Variants in CCSER1 observed in about 807,000 individuals in gnomAD.
The protein encoded by CCSER1 is coiled-coil serine rich protein 1, also known as serine-rich coiled-coil domain-containing protein 1.
Under a neutral mutation model 82.0 loss-of-function variants are expected in CCSER1, and 41 were observed. The observed-to-expected ratio is 0.50, with a 90% CI of 0.39 to 0.65. The LOEUF is 0.65. CCSER1 is among the 30% of genes least tolerant of loss of function. CCSER1 has a pLI of 0.00. For missense variants in CCSER1, 1,119 were observed against 1,064.2 expected, an observed-to-expected ratio of 1.05 and a Z score of -0.72; for synonymous variants, 414 against 383.9, an observed-to-expected ratio of 1.08 and a Z score of -0.92.
chr4:91,336,035 G>A (rs1483637509), intron 10 of CCSER1, among the ~76,000 whole-genome samples: 2 of 152,084 alleles, frequency 1.3e-5, no homozygotes, highest in African/African-American at 2.4e-5. Flanking sequence ...ATTCAGCAAA[G>A]CCTTACTTTT....
intron 3 of CCSER1, among the ~76,000 whole-genome samples, chr4:90,398,476 G>C (rs1001673826): frequency 3.9e-5 from 6 of 152,062 alleles, no homozygotes; most frequent in Non-Finnish European, 8.8e-5. Flanking sequence ...TCTCTCATTT[G>C]GATAGTGTGT....
chr4:91,307,498 A>T (rs1285750316), intron 10 of CCSER1, among the ~76,000 whole-genome samples: 1 of 152,024 alleles, frequency 6.6e-6, no homozygotes, highest in Non-Finnish European at 1.5e-5. Flanking sequence ...GCAAATTGTA[A>T]GCAAGTTTAT....
chr4:90,859,543 G>A (rs2149977303), intron 8 of CCSER1, among the ~76,000 whole-genome samples: 1 of 151,794 alleles, frequency 6.6e-6, no homozygotes, highest in African/African-American at 2.4e-5. Context: ...TTTATAGGAT[G>A]ATAGAATTAA....
intron 1 of CCSER1, among the ~76,000 whole-genome samples, chr4:90,282,011 G>T (rs1728949982): frequency 6.6e-6 from 1 of 151,980 alleles, no homozygotes; most frequent in Non-Finnish European, 1.5e-5. Context: ...AGGCACTAAG[G>T]ATGACTGAGC....
chr4:91,313,782 A>T (rs192830242), intron 10 of CCSER1, among the ~76,000 whole-genome samples: 5 of 152,072 alleles, frequency 3.3e-5, no homozygotes, highest in Non-Finnish European at 5.9e-5. Context: ...CCCCTGACCT[A>T]TGATTGAGGC....
chr4:90,579,069 TA>T (rs1232933471), intron 5 of CCSER1, among the ~76,000 whole-genome samples: 1 of 152,158 alleles, frequency 6.6e-6, no homozygotes, highest in African/African-American at 2.4e-5. Flanking sequence ...CCTAGCTACT[TA>T]AAATGATTTA....
At position 90,660,293 on chromosome 4, in the gene CCSER1, C is replaced by T. The variant is rs986184861; in HGVS notation, c.1932+32061C>T. Among the ~76,000 whole-genome samples, 7 of 151,832 alleles carry T rather than the reference C, an allele frequency of 4.6e-5. No individual in the cohort carries two copies. The East Asian group carries it at 7.7e-4, about 17-fold the overall frequency. The stretch of plus-strand genomic sequence containing the variant: ...TGAAATCAACCTAAGTGTCCATCGT[C>T]GATGGACAAATGTGTAAAGAAAATG... On this transcript the variant is annotated intron_variant, in intron 6 of 10. Transcript: ENST00000509176.
At chr4:90,970,939 A>T (rs893596153) in intron 9 of CCSER1, among the ~76,000 whole-genome samples, 2 of 152,060 alleles carry the variant, frequency 1.3e-5, no homozygotes, top group East Asian at 3.9e-4. Flanking sequence ...AAGAAATTTT[A>T]TATCAATAAA....
chr4:90,276,740 T>C (rs1213600719), intron 1 of CCSER1, among the ~76,000 whole-genome samples: 4 of 152,210 alleles, frequency 2.6e-5, no homozygotes, highest in African/African-American at 7.2e-5. Flanking sequence ...AGAGCTGTTA[T>C]TGAAAAATAG....
chr4:90,225,099 C>T (rs1413360362), intron 1 of CCSER1, among the ~76,000 whole-genome samples: 2 of 151,742 alleles, frequency 1.3e-5, no homozygotes, highest in African/African-American at 4.8e-5. Flanking sequence ...GTTTTCACTC[C>T]ATTGCCCAGG....
chr4:91,359,034 G>A (rs4096930), intron 10 of CCSER1, among the ~76,000 whole-genome samples: 48,141 of 151,892 alleles, frequency 0.32, 8,366 homozygotes, highest in African/African-American at 0.44. Context: ...TGGGAGCATC[G>A]GCAAGCTACT....
chr4:90,264,389 C>T (rs978449711), intron 1 of CCSER1, among the ~76,000 whole-genome samples: 1 of 152,134 alleles, frequency 6.6e-6, no homozygotes, highest in African/African-American at 2.4e-5. Flanking sequence ...AACATGATAT[C>T]TATCGAGTCA....
intron 1 of CCSER1, among the ~76,000 whole-genome samples, chr4:90,277,077 T>C (rs1165518351): frequency 6.6e-6 from 1 of 152,112 alleles, no homozygotes; most frequent in Non-Finnish European, 1.5e-5. Flanking sequence ...TGGATGCCTT[T>C]TTTTTTTCTC....
intron 4 of CCSER1, among the ~76,000 whole-genome samples, chr4:90,445,956 T>A (rs184346937): frequency 4.6e-4 from 70 of 152,284 alleles, no homozygotes; most frequent in African/African-American, 1.6e-3. Context: ...AGAACATTGG[T>A]CCAACAGGAT....
intron 10 of CCSER1, among the ~76,000 whole-genome samples, chr4:91,338,096 T>C (rs181865822): frequency 9.7e-4 from 147 of 152,232 alleles, no homozygotes; most frequent in Non-Finnish European, 1.6e-3. Context: ...ACTGACTCTT[T>C]AGGTAGATAA....
intron 10 of CCSER1, among the ~76,000 whole-genome samples, chr4:91,215,454 T>C (rs1737165737): frequency 1.3e-5 from 2 of 152,188 alleles, no homozygotes; most frequent in Non-Finnish European, 2.9e-5. Context: ...GGTCCCACAA[T>C]AGTCTGTCTG....
chr4:90,330,261 A>G (rs1244474282), intron 3 of CCSER1, among the ~76,000 whole-genome samples: 1 of 152,148 alleles, frequency 6.6e-6, no homozygotes, highest in East Asian at 1.9e-4. Flanking sequence ...TTAGAACTAG[A>G]GGGTAACCAG....
intron 9 of CCSER1, among the ~76,000 whole-genome samples, chr4:91,014,561 C>G (rs954685913): frequency 3.7e-5 from 5 of 134,428 alleles, no homozygotes; most frequent in African/African-American, 1.2e-4. Context: ...AACTAACCAG[C>G]TAATCCTTTT....
chr4:90,727,325 A>T, intron 7 of CCSER1: 2 of 455,252 alleles, frequency 4.4e-6, no homozygotes, highest in South Asian at 3.1e-5. Context: ...TCAAACATCA[A>T]CAACAGAATC....
Sources: gnomAD v4.1 joint callset for allele counts (sites outside exome capture counted in the v4.1 genomes callset) on GRCh38, gnomAD v4.1.1 for gene constraint, MANE v1.5 for transcripts, NCBI Gene and HGNC (gene_info 2026-07-23, HGNC 2026-07-21) for gene names.